The following ADAM20 variants were observed in gnomAD, a reference collection of about 807,000 sequenced individuals.
ADAM20 encodes the protein disintegrin and metalloproteinase domain-containing protein 20.
For synonymous variants in ADAM20, 305 were observed against 310.2 expected (o/e 0.98, Z 0.18); for missense variants, 871 against 883.2 (o/e 0.99, Z 0.18).
chr14:70,568,576 T>C, the ADAM20 span, among the ~76,000 whole-genome samples: 1 of 151,954 alleles, frequency 6.6e-6, no homozygotes, highest in African/African-American at 2.4e-5. Context: ...AATAAGGATA[T>C]CAAGGAAACT....
chr14:70,535,606 C>T (rs890091693), upstream of ADAM20, among the ~76,000 whole-genome samples: 5 of 152,162 alleles, frequency 3.3e-5, no homozygotes, highest in East Asian at 1.9e-4. Flanking sequence ...ATCCTGAAAA[C>T]GGATGCCTAG....
chr14:70,566,321 G>A, the ADAM20 span, among the ~76,000 whole-genome samples: 4 of 152,068 alleles, frequency 2.6e-5, no homozygotes, highest in Admixed American at 6.6e-5. Flanking sequence ...GAATAAATGG[G>A]TAGTTTTGTA....
At chr14:70,565,423 C>G in the ADAM20 span, among the ~76,000 whole-genome samples, 1 of 151,912 alleles carries the variant, frequency 6.6e-6, no homozygotes, top group Non-Finnish European at 1.5e-5. Context: ...TCATGAAGCC[C>G]AAACAGAATA....
At chr14:70,554,225 T>A in the ADAM20 span, among the ~76,000 whole-genome samples, 1 of 152,194 alleles carries the variant, frequency 6.6e-6, no homozygotes, top group East Asian at 1.9e-4. Flanking sequence ...AAATATAAGA[T>A]AACAAATGTT....
At chr14:70,532,691 T>C (rs756122003) in intron 1 of ADAM20, among the ~76,000 whole-genome samples, 1 of 152,188 alleles carries the variant, frequency 6.6e-6, no homozygotes, top group Non-Finnish European at 1.5e-5. Flanking sequence ...ATTGGCATTT[T>C]ACATGATAAG....
At chr14:70,530,482 A>G (rs573294545) in intron 1 of ADAM20, among the ~76,000 whole-genome samples, 103 of 152,200 alleles carry the variant, frequency 6.8e-4, no homozygotes, top group Non-Finnish European at 1.4e-3. Flanking sequence ...TATCATCATT[A>G]TCAACTTTAT....
the ADAM20 span, among the ~76,000 whole-genome samples, chr14:70,555,201 C>T: frequency 6.6e-6 from 1 of 152,154 alleles, no homozygotes; most frequent in African/African-American, 2.4e-5. Context: ...AACAATATGA[C>T]TATCGTTAAC....
chr14:70,532,979 C>T (rs28668735), intron 1 of ADAM20, among the ~76,000 whole-genome samples: 6,452 of 152,156 alleles, frequency 0.042, 244 homozygotes, highest in African/African-American at 0.097. Context: ...CAAATCAAAA[C>T]CACAAAGAGA....
At chr14:70,561,185 C>A in the ADAM20 span, among the ~76,000 whole-genome samples, 1 of 152,208 alleles carries the variant, frequency 6.6e-6, no homozygotes, top group Non-Finnish European at 1.5e-5. Flanking sequence ...GTCACTCTTG[C>A]TATGCTTTAG....
the ADAM20 span, among the ~76,000 whole-genome samples, chr14:70,576,657 T>G: frequency 2.0e-5 from 3 of 152,074 alleles, no homozygotes; most frequent in African/African-American, 7.2e-5. Flanking sequence ...ATGTGCCATG[T>G]GCATGGAGTA....
chr14:70,569,198 T>A, the ADAM20 span, among the ~76,000 whole-genome samples: 1 of 151,814 alleles, frequency 6.6e-6, no homozygotes, highest in Non-Finnish European at 1.5e-5. Flanking sequence ...AAGGGAGAAA[T>A]AAAGCCTTTA....
chr14:70,576,678 A>G, the ADAM20 span, among the ~76,000 whole-genome samples: 1 of 152,160 alleles, frequency 6.6e-6, no homozygotes, highest in Non-Finnish European at 1.5e-5. Context: ...ATTCACAGAG[A>G]GCAGGGTAAC....
At position 70,528,985 on chromosome 14, in the gene ADAM20, T is replaced by C. The variant is rs149900070; in HGVS notation, c.-176-4052A>G. Among the ~76,000 whole-genome samples, 451 of 152,238 alleles carry C rather than the reference T, an allele frequency of 3.0e-3. 2 individuals are homozygous for C. Among genetic ancestry groups the C allele is most frequent in the African/African-American group, 0.011 (439 of 41,558 alleles). ...AAAAGGGCTCAATTTATCAGGAAGA[T>C]ATAACAATTAGAAATATATGCACCC... On this transcript the variant is annotated intron_variant, in intron 1 of 1. Coordinates refer to ENST00000256389, the MANE Select transcript of ADAM20 (RefSeq NM_003814.5).
the ADAM20 span, among the ~76,000 whole-genome samples, chr14:70,571,291 G>A: frequency 1.1e-4 from 17 of 152,100 alleles, no homozygotes; most frequent in African/African-American, 3.9e-4. Flanking sequence ...GGAAGGACCC[G>A]GTAGGAGGTA....
the ADAM20 span, among the ~76,000 whole-genome samples, chr14:70,571,128 A>T: frequency 6.6e-6 from 1 of 152,150 alleles, no homozygotes; most frequent in Non-Finnish European, 1.5e-5. Context: ...CATTTATGAC[A>T]AACCCACAGC....
chr14:70,559,137 A>C, the ADAM20 span, among the ~76,000 whole-genome samples: 2 of 152,120 alleles, frequency 1.3e-5, no homozygotes, highest in Non-Finnish European at 2.9e-5. Flanking sequence ...CATCACTTGA[A>C]ATGTCTAATT....
At chr14:70,531,148 A>G (rs1233349551) in intron 1 of ADAM20, among the ~76,000 whole-genome samples, 1 of 152,180 alleles carries the variant, frequency 6.6e-6, no homozygotes, top group Non-Finnish European at 1.5e-5. Context: ...ATTATAACTA[A>G]TGACTTAGAA....
chr14:70,523,923 A>T lies in ADAM20; in HGVS notation c.835T>A (p.Phe279Ile), dbSNP rs1357900290. 1 of 1,614,046 alleles carries T rather than the reference A, an allele frequency of 6.2e-7. No homozygotes were observed. Among genetic ancestry groups the T allele is most frequent in the Non-Finnish European group, 8.5e-7 (1 of 1,179,952 alleles). The change falls in exon 2 of 2, where the codon TTT becomes ATT. Residue 279 changes from phenylalanine (F) to isoleucine (I), a missense_variant. By Grantham distance (21) the Phe-to-Ile change is conservative (BLOSUM62 0). Coordinates refer to ENST00000256389, the MANE Select transcript of ADAM20 (RefSeq NM_003814.5). ...SGDLDNVLED[F>I]SIWKNYNLNN... ...AGGTTATAATTCTTCCAAATAGAAA[A>T]GTCCTCTAAAACATTATCTAGGTCT...
At chr14:70,562,067 G>A in the ADAM20 span, among the ~76,000 whole-genome samples, 2 of 152,358 alleles carry the variant, frequency 1.3e-5, no homozygotes, top group South Asian at 2.1e-4. Flanking sequence ...AGCACATGGA[G>A]AAGACAGAGG....
Sources: allele counts gnomAD v4.1 joint callset (sites outside exome capture counted in the v4.1 genomes callset), GRCh38; gene constraint gnomAD v4.1.1; transcripts MANE v1.5; gene names NCBI Gene and HGNC (gene_info 2026-07-23, HGNC 2026-07-21).